Variants in CDK6 observed in about 807,000 individuals in gnomAD.
The protein encoded by CDK6 is cyclin dependent kinase 6.
CDK6 carries 6 observed loss-of-function variants against 37.1 expected under a neutral mutation model. The ratio of observed to expected loss-of-function variants is 0.16; its 90% CI spans 0.09 to 0.32. CDK6 has a LOEUF of 0.32. CDK6 is among the 10% of genes least tolerant of loss of function. The pLI, the probability that CDK6 is intolerant of heterozygous loss-of-function variation, is 1.00. For missense variants in CDK6, 224 were observed against 418.9 expected, an observed-to-expected ratio of 0.53 and a Z score of 4.06; for synonymous variants, 160 against 161.3, an observed-to-expected ratio of 0.99 and a Z score of 0.06.
intron 2 of CDK6, among the ~76,000 whole-genome samples, chr7:92,808,334 CAAGAA>C (rs1376862011): frequency 6.6e-6 from 1 of 152,194 alleles, no homozygotes. Context: ...AGAGAACACA[CAAGAA>C]AAGAGGGAGG....
At chr7:92,723,703 C>T (rs55770041) in intron 4 of CDK6, among the ~76,000 whole-genome samples, 6,643 of 152,106 alleles carry the variant, frequency 0.044, 164 homozygotes, top group Non-Finnish European at 0.052. Flanking sequence ...TAGAATCCTT[C>T]TCAGCTGCTA....
chr7:92,615,801 C>G (rs992536431), intron 7 of CDK6, among the ~76,000 whole-genome samples: 29 of 152,128 alleles, frequency 1.9e-4, no homozygotes, highest in African/African-American at 4.1e-4. Context: ...TGAGCTGGTG[C>G]CTGCGCTTAA....
At chr7:92,711,290 T>C (rs1798081747) in intron 4 of CDK6, among the ~76,000 whole-genome samples, 1 of 152,036 alleles carries the variant, frequency 6.6e-6, no homozygotes, top group Non-Finnish European at 1.5e-5. Flanking sequence ...CAGGCTAATA[T>C]ATGTTAGATA....
intron 2 of CDK6, among the ~76,000 whole-genome samples, chr7:92,801,159 GA>G (rs1401458251): frequency 5.3e-5 from 8 of 151,910 alleles, no homozygotes; most frequent in African/African-American, 1.9e-4. Context: ...ATAAACAAAA[GA>G]AAATAGATAA....
At chr7:92,720,277 C>A (rs998811754) in intron 4 of CDK6, among the ~76,000 whole-genome samples, 1 of 152,144 alleles carries the variant, frequency 6.6e-6, no homozygotes, top group Admixed American at 6.5e-5. Context: ...TCTGAGAGTT[C>A]CACAGAACAC....
At chr7:92,725,858 G>A (rs1184886583) in intron 3 of CDK6, 65 bp from the exon 4 acceptor site, 22 of 1,449,778 alleles carry the variant, frequency 1.5e-5, no homozygotes, top group Non-Finnish European at 2.0e-5. Flanking sequence ...TTGCTATGCT[G>A]GACGCCGAAT....
chr7:92,646,163 A>T (rs1273884852), intron 5 of CDK6, among the ~76,000 whole-genome samples: 1 of 152,190 alleles, frequency 6.6e-6, no homozygotes, highest in Non-Finnish European at 1.5e-5. Context: ...GTTCAGGGTA[A>T]TATCTGACTT....
intron 3 of CDK6, among the ~76,000 whole-genome samples, chr7:92,770,278 G>A (rs1314833535): frequency 6.9e-6 from 1 of 145,970 alleles, no homozygotes; most frequent in Non-Finnish European, 1.5e-5. Context: ...ATAATGTGAT[G>A]AAAACCCCAA....
intron 2 of CDK6, among the ~76,000 whole-genome samples, chr7:92,831,992 C>CGCACA (rs1166152200): frequency 3.9e-5 from 6 of 152,290 alleles, no homozygotes; most frequent in African/African-American, 1.2e-4. Flanking sequence ...TCATCCTCAG[C>CGCACA]GCACACAGTA....
At chr7:92,744,371 C>T (rs1286957807) in intron 3 of CDK6, among the ~76,000 whole-genome samples, 1 of 152,138 alleles carries the variant, frequency 6.6e-6, no homozygotes, top group African/African-American at 2.4e-5. Flanking sequence ...CATCAGATCT[C>T]GTGAGACTTA....
chr7:92,687,957 A>G (rs1164519396), intron 4 of CDK6, among the ~76,000 whole-genome samples: 2 of 152,244 alleles, frequency 1.3e-5, no homozygotes, highest in African/African-American at 4.8e-5. Flanking sequence ...TTATCAGTAT[A>G]TAGTTTTCTC....
At chr7:92,826,532 G>A (rs937309958) in intron 2 of CDK6, among the ~76,000 whole-genome samples, 2 of 152,108 alleles carry the variant, frequency 1.3e-5, no homozygotes, top group African/African-American at 4.8e-5. Flanking sequence ...TAATAGAGGT[G>A]GATGGCAAGA....
chr7:92,737,741 C>T (rs1354945898), intron 3 of CDK6, among the ~76,000 whole-genome samples: 1 of 152,156 alleles, frequency 6.6e-6, no homozygotes, highest in East Asian at 1.9e-4. Flanking sequence ...TCCATTAATG[C>T]TGAACTGTGT....
At chr7:92,720,119 G>C (rs1798332559) in intron 4 of CDK6, among the ~76,000 whole-genome samples, 1 of 152,242 alleles carries the variant, frequency 6.6e-6, no homozygotes, top group Non-Finnish European at 1.5e-5. Flanking sequence ...GGAGGCACCA[G>C]TTCATGACCC....
chr7:92,667,464 T>C (rs1796983837), intron 5 of CDK6, among the ~76,000 whole-genome samples: 2 of 152,208 alleles, frequency 1.3e-5, no homozygotes, highest in Admixed American at 6.5e-5. Flanking sequence ...TCCCAAAGTG[T>C]TGGGTTACAG....
chr7:92,786,636 C>CATAT (rs35129215), intron 2 of CDK6, among the ~76,000 whole-genome samples: 124 of 140,044 alleles, frequency 8.9e-4, no homozygotes, highest in East Asian at 2.5e-3. Context: ...TGTGTGTATA[C>CATAT]ATATATATAT....
chr7:92,710,849 C>T lies in CDK6; in HGVS notation c.537+14777G>A, dbSNP rs778954618. ...GACGGATGACTTGGACACCTCTGCA[C>T]GGAGATGAAAGTTACAGCCATGGAC... On this transcript the variant is annotated intron_variant, in intron 4 of 7. Transcript: ENST00000424848. The T allele has an allele frequency of 1.1e-5, 11 of 985,170 alleles. No homozygotes were observed. In the South Asian group the frequency reaches 1.4e-4, roughly 13 times the overall value. The allele number at this position is 985,170 out of a possible 1,614,324, so 61.0% of individuals were successfully genotyped here.
chr7:92,833,883 C>T lies in CDK6; in HGVS notation c.-367-193G>A, dbSNP rs1801570970. 2.5e-6 allele frequency: 1 copy of T among 398,818 alleles called. No individual in the cohort carries two copies. The allele number at this position is 398,818 out of a possible 1,614,324, so 24.7% of individuals were successfully genotyped here. On this transcript the variant is annotated intron_variant, in intron 1 of 7. Transcript: ENST00000424848. This position sits in a 1 kb window ranked among gnomAD's most constrained non-coding sequence, Gnocchi z 6.1. The stretch of plus-strand genomic sequence containing the variant: ...GAAAAGCGAAGTTACTTTTCTTTCC[C>T]TGCAGGGCTGAAGCCGTCTTCGCGC...
intron 4 of CDK6, among the ~76,000 whole-genome samples, chr7:92,716,783 C>T (rs958211224): frequency 1.3e-5 from 2 of 152,028 alleles, no homozygotes; most frequent in African/African-American, 2.4e-5. Context: ...ATAACACTTG[C>T]GTTGAGTTAA....
Sources: allele counts gnomAD v4.1 joint callset (sites outside exome capture counted in the v4.1 genomes callset), GRCh38; gene constraint gnomAD v4.1.1; non-coding constraint Gnocchi (gnomAD v3.1); transcripts MANE v1.5; gene names NCBI Gene and HGNC (gene_info 2026-07-23, HGNC 2026-07-21).